The following SLC9B1 variants were observed in gnomAD, a reference collection of about 807,000 sequenced individuals.
SLC9B1 encodes sodium/hydrogen exchanger 9B1.
In SLC9B1, 32 loss-of-function variants were observed where a neutral mutation model predicts 51.7. That is an observed-to-expected ratio of 0.62 (90% CI 0.47 to 0.83). The LOEUF is 0.83. Among genes scored for constraint, SLC9B1 ranks in the 40% least tolerant of loss-of-function variants. The pLI is 0.00. For missense variants in SLC9B1, 406 were observed against 613.2 expected (o/e 0.66, Z 3.57); for synonymous variants, 145 against 212.7 (o/e 0.68, Z 2.77).
chr4:102,893,298 A>AAAG lies in SLC9B1; in HGVS notation c.1333-7971_1333-7970insCTT, dbSNP rs1304161169. The stretch of plus-strand genomic sequence containing the variant: ...CTCCATCTCAAAAAAAAAAAAAAAA[A>AAAG]AAAAAAAGAAAAAGAAAAAAGAAAG... On this transcript the variant is annotated intron_variant, in intron 11 of 11. Coordinates refer to the SLC9B1 transcript ENST00000394789. Among the ~76,000 whole-genome samples, 113 of 148,008 alleles carry AAAG rather than the reference A, an allele frequency of 7.6e-4. 1 individual carries two copies. The highest frequency in any genetic ancestry group is 7.0e-3 in the Middle Eastern group (2 of 286).
intron 6 of SLC9B1, among the ~76,000 whole-genome samples, chr4:102,940,802 G>T (rs1193160408): frequency 6.6e-6 from 1 of 152,160 alleles, no homozygotes; most frequent in African/African-American, 2.4e-5. Context: ...ACAGGTTACA[G>T]AACGCAGAAA....
chr4:102,969,089 C>T (rs572448864), intron 3 of SLC9B1, among the ~76,000 whole-genome samples: 67 of 152,322 alleles, frequency 4.4e-4, no homozygotes, highest in Non-Finnish European at 6.8e-4. Flanking sequence ...CCTCTGTAGA[C>T]GCCACCTCTG....
chr4:102,890,193 T>C (rs1327350205), intron 11 of SLC9B1: 1 of 152,192 alleles, frequency 6.6e-6, no homozygotes, highest in Non-Finnish European at 1.5e-5. Context: ...TTGAGTTCAA[T>C]GCCAAATACG....
chr4:102,975,716 A>C (rs1446058136), intron 3 of SLC9B1, among the ~76,000 whole-genome samples: 1 of 149,084 alleles, frequency 6.7e-6, no homozygotes, highest in Non-Finnish European at 1.5e-5. Context: ...CTACAGGTGC[A>C]TGCCATGATG....
At chr4:102,976,638 A>G (rs1197202622) in intron 3 of SLC9B1, among the ~76,000 whole-genome samples, 1 of 152,248 alleles carries the variant, frequency 6.6e-6, no homozygotes, top group African/African-American at 2.4e-5. Flanking sequence ...GGTTCTTGAA[A>G]GATGAAATTT....
At chr4:102,888,793 C>T (rs1734074528) in intron 11 of SLC9B1, 1 of 152,226 alleles carries the variant, frequency 6.6e-6, no homozygotes, top group Non-Finnish European at 1.5e-5. Flanking sequence ...GTAGGGAATC[C>T]TTTCTGTTGT....
chr4:102,942,563 A>G (rs1737058766), intron 6 of SLC9B1, among the ~76,000 whole-genome samples: 1 of 152,162 alleles, frequency 6.6e-6, no homozygotes, highest in Non-Finnish European at 1.5e-5. Flanking sequence ...GGAAACAAAA[A>G]CATAAAGTTG....
At position 102,989,930 on chromosome 4, in the gene SLC9B1, A is replaced by T. The variant is rs775009509; in HGVS notation, c.81T>A (p.Asp27Glu). ...TTTCTTCCTGTGCAGTATTATTAGG[A>T]TCAATGAGACTCTGTAGTAAAACAA... ...QTSTTPQSLI[D>E]PNNTAQEETK... is the part of the protein sequence containing the mutation. Residue 27 changes from aspartate (D) to glutamate (E), a missense_variant, in exon 3 of 12, where the codon GAT becomes GAA. Asp to Glu is a conservative substitution (Grantham distance 45). Transcript: ENST00000296422. The T allele has an allele frequency of 2.0e-4, 310 of 1,579,858 alleles. 5 individuals are homozygous for T. In the South Asian group the frequency reaches 3.4e-3, roughly 17 times the overall value.
chr4:102,895,602 C>A (rs1490612330), intron 11 of SLC9B1, among the ~76,000 whole-genome samples: 2 of 152,048 alleles, frequency 1.3e-5, no homozygotes, highest in Non-Finnish European at 2.9e-5. Context: ...TAAATGTGTA[C>A]ACATAAGAAA....
intron 11 of SLC9B1, among the ~76,000 whole-genome samples, chr4:102,893,030 T>G (rs1734327873): frequency 6.6e-6 from 1 of 151,858 alleles, no homozygotes; most frequent in Non-Finnish European, 1.5e-5. Flanking sequence ...TGTAATTAAT[T>G]CCAGCACTTT....
At chr4:102,948,123 C>T (rs1426119449) in intron 4 of SLC9B1, among the ~76,000 whole-genome samples, 1 of 152,118 alleles carries the variant, frequency 6.6e-6, no homozygotes, top group Non-Finnish European at 1.5e-5. Flanking sequence ...TATTGTCATG[C>T]ATTTGTATGG....
intron 7 of SLC9B1, among the ~76,000 whole-genome samples, chr4:102,931,247 T>C (rs1358181196): frequency 6.8e-6 from 1 of 146,818 alleles, no homozygotes; most frequent in African/African-American, 2.5e-5. Flanking sequence ...AAAGAACATA[T>C]TGGTCAATAT....
At chr4:102,963,819 T>C (rs1738272331) in intron 3 of SLC9B1, among the ~76,000 whole-genome samples, 1 of 152,150 alleles carries the variant, frequency 6.6e-6, no homozygotes, top group African/African-American at 2.4e-5. Context: ...AAGCAGTGTA[T>C]AGAGGAAAAT....
intron 1 of SLC9B1, among the ~76,000 whole-genome samples, chr4:102,996,273 A>G (rs982093461): frequency 6.6e-6 from 1 of 152,066 alleles, no homozygotes; most frequent in Non-Finnish European, 1.5e-5. Flanking sequence ...AGTTCTTTTT[A>G]GGTATTAAAA....
intron 7 of SLC9B1, among the ~76,000 whole-genome samples, chr4:102,919,006 T>A (rs1735726088): frequency 6.6e-6 from 1 of 152,222 alleles, no homozygotes; most frequent in East Asian, 1.9e-4. Flanking sequence ...TGGCTCCTTT[T>A]AGCCATGGCT....
At chr4:103,014,630 C>T (rs1202121339) in intron 1 of SLC9B1, among the ~76,000 whole-genome samples, 2 of 152,116 alleles carry the variant, frequency 1.3e-5, no homozygotes, top group Non-Finnish European at 2.9e-5. Flanking sequence ...TTTGAATTGC[C>T]TAACATAGTA....
At chr4:102,970,707 G>T (rs546772885) in intron 3 of SLC9B1, among the ~76,000 whole-genome samples, 50 of 152,292 alleles carry the variant, frequency 3.3e-4, no homozygotes, top group South Asian at 6.2e-4. Context: ...TGGATAAAGA[G>T]TCAAGACCCA....
intron 1 of SLC9B1, among the ~76,000 whole-genome samples, chr4:103,015,781 T>G (rs1428348356): frequency 6.6e-6 from 1 of 152,174 alleles, no homozygotes; most frequent in East Asian, 1.9e-4. Context: ...CCACTGAATC[T>G]ACCCATCTAT....
At chr4:102,974,360 G>A (rs1343614889) in intron 3 of SLC9B1, among the ~76,000 whole-genome samples, 4 of 148,024 alleles carry the variant, frequency 2.7e-5, no homozygotes, top group Non-Finnish European at 6.0e-5. Context: ...CAATAGGCAA[G>A]ATTCACAAAA....
Sources: gnomAD v4.1 joint callset for allele counts (sites outside exome capture counted in the v4.1 genomes callset) on GRCh38, gnomAD v4.1.1 for gene constraint, MANE v1.5 for transcripts, NCBI Gene and HGNC (gene_info 2026-07-23, HGNC 2026-07-21) for gene names.